The following STAT1 variants were observed in gnomAD, a reference collection of about 807,000 sequenced individuals.
The protein encoded by STAT1 is signal transducer and activator of transcription 1.
In STAT1, 24 loss-of-function variants were observed where a neutral mutation model predicts 111.7. The ratio of observed to expected loss-of-function variants is 0.21; its 90% CI spans 0.16 to 0.30. The LOEUF is 0.30. Among genes scored for constraint, STAT1 ranks in the 10% least tolerant of loss-of-function variants. The pLI is 1.00. For missense variants in STAT1, 351 were observed against 911.9 expected (o/e 0.38, Z 7.92); for synonymous variants, 332 against 326.5 (o/e 1.02, Z -0.18).
intron 12 of STAT1, among the ~76,000 whole-genome samples, chr2:190,988,709 G>C (rs1277710641): frequency 6.6e-6 from 1 of 152,108 alleles, no homozygotes; most frequent in Non-Finnish European, 1.5e-5. Context: ...TGGTTTGTTA[G>C]GAAGCAAAAG....
intron 24 of STAT1, among the ~76,000 whole-genome samples, chr2:190,972,397 A>G (rs1411982322): frequency 6.6e-6 from 1 of 152,214 alleles, no homozygotes; most frequent in African/African-American, 2.4e-5. Flanking sequence ...CAAATGCCCA[A>G]GTCATACTGC....
rs1418401103 is a variant in STAT1, at chr2:190,996,733, T to C, written c.785+1123A>G. On this transcript the variant is annotated intron_variant, in intron 9 of 24. Transcript: ENST00000361099. The surrounding 1 kb of genome is among the most constrained non-coding windows in gnomAD (Gnocchi z 4.5). The stretch of plus-strand genomic sequence containing the variant: ...TATTAATTGTGATTTTTTTAAAAAC[T>C]GGCAATATAGAAAATAACCTCGTGA... Among the ~76,000 whole-genome samples, 1 of 152,192 alleles carries C rather than the reference T, an allele frequency of 6.6e-6. No individual in the cohort carries two copies. The highest frequency in any genetic ancestry group is 1.5e-5 in the Non-Finnish European group (1 of 68,014).
chr2:190,979,139 TGTTCA>T lies in STAT1; in HGVS notation c.1728-143_1728-139del. ...AAAAAACGTAGACTATTTTAAAATC[TGTTCA>T]GTTGACACTTAAGGAAGCATTTCAC... On this transcript the variant is annotated intron_variant, in intron 20 of 24. Coordinates refer to ENST00000361099, the MANE Select transcript of STAT1 (RefSeq NM_007315.4). This position sits in a 1 kb window ranked among gnomAD's most constrained non-coding sequence, Gnocchi z 5.8. 1 of 1,166,092 alleles carries T rather than the reference TGTTCA, an allele frequency of 8.6e-7. No homozygotes were observed. Among genetic ancestry groups the T allele is most frequent in the Non-Finnish European group, 1.2e-6 (1 of 807,526 alleles). The allele number at this position is 1,166,092 out of a possible 1,614,324, so 72.2% of individuals were successfully genotyped here.
rs1187514486 is a variant in STAT1, at chr2:191,000,875, T to C, written c.462+199A>G. ...AGCTAAACTCAATGTTTGGCAGTTATAAGAGGCCATTCAAAAAGTCTATCT... is the reference window on the plus strand; with the variant it reads ...AGCTAAACTCAATGTTTGGCAGTTACAAGAGGCCATTCAAAAAGTCTATCT... On this transcript the variant is annotated intron_variant, in intron 6 of 24. Coordinates refer to ENST00000361099, the MANE Select transcript of STAT1 (RefSeq NM_007315.4). This position sits in a 1 kb window ranked among gnomAD's most constrained non-coding sequence, Gnocchi z 4.8. Among the ~76,000 whole-genome samples the C allele has an allele frequency of 1.3e-5, 2 of 152,202 alleles. No homozygotes were observed. Among genetic ancestry groups the C allele is most frequent in the Non-Finnish European group, 2.9e-5 (2 of 68,030 alleles).
rs1691813142 is a variant in STAT1 at position 190,975,208 on chromosome 2, G to C, written c.2136-276C>G. Reference sequence around the variant, plus strand: ...GCCGCTTCTGCCTGGGTAAGCCTAGGTGTGAGCATGTGCGGTGCACTACCC... The same window carrying C: ...GCCGCTTCTGCCTGGGTAAGCCTAGCTGTGAGCATGTGCGGTGCACTACCC... On this transcript the variant is annotated intron_variant, in intron 23 of 24. Transcript: ENST00000361099. The surrounding 1 kb of genome is among the most constrained non-coding windows in gnomAD (Gnocchi z 5.9). 1 of 471,410 alleles carries C rather than the reference G, an allele frequency of 2.1e-6. No individual in the cohort carries two copies. Among genetic ancestry groups the C allele is most frequent in the Non-Finnish European group, 4.2e-6 (1 of 239,354 alleles). The allele number at this position is 471,410 out of a possible 1,614,324, so 29.2% of individuals were successfully genotyped here. A position where few individuals can be genotyped will look rare whatever the true frequency, so the allele number is the denominator to read the frequency against.
In STAT1 at chr2:190,982,552, T is replaced by G. The variant is rs1201858329; in HGVS notation, c.1447-34A>C. The G allele has an allele frequency of 6.2e-7, 1 of 1,612,914 alleles. No homozygotes were observed. Among genetic ancestry groups the G allele is most frequent in the Non-Finnish European group, 8.5e-7 (1 of 1,179,004 alleles). Reference sequence around the variant, plus strand: ...AAAACACCCAAAATCTAAGGGTTACTACAGAGACACCAGTCACAAGTGTGG... The same window carrying G: ...AAAACACCCAAAATCTAAGGGTTACGACAGAGACACCAGTCACAAGTGTGG... On this transcript the variant is annotated intron_variant, in intron 17 of 24. Transcript: ENST00000361099. This position sits in a 1 kb window ranked among gnomAD's most constrained non-coding sequence, Gnocchi z 7.3.
At position 190,994,959 on chromosome 2, in the gene STAT1, A is replaced by ATATATAT. The variant is rs1559017192; in HGVS notation, c.944+101_944+102insATATATA. ...ATATATATATATATATATATATATA[A>ATATATAT]AAAACACCTATTAAACCCTTGTAAA... On this transcript the variant is annotated intron_variant, in intron 10 of 24. Coordinates refer to ENST00000361099, the MANE Select transcript of STAT1 (RefSeq NM_007315.4). 25 of 461,720 alleles carry ATATATAT rather than the reference A, an allele frequency of 5.4e-5. 1 individual carries two copies. Among genetic ancestry groups the ATATATAT allele is most frequent in the African/African-American group, 3.5e-4 (13 of 36,710 alleles). The allele number at this position is 461,720 out of a possible 1,614,324, so 28.6% of individuals were successfully genotyped here.
chr2:190,996,242 G>C lies in STAT1; in HGVS notation c.786-1023C>G, dbSNP rs1345157494. Among the ~76,000 whole-genome samples, 2 of 152,212 alleles carry C rather than the reference G, an allele frequency of 1.3e-5. No individual in the cohort carries two copies. The highest frequency in any genetic ancestry group is 2.9e-5 in the Non-Finnish European group (2 of 68,034). On this transcript the variant is annotated intron_variant, in intron 9 of 24. Transcript: ENST00000361099. The surrounding 1 kb of genome is among the most constrained non-coding windows in gnomAD (Gnocchi z 4.5). ...CAACTGCTAACAGCAACACAGGCTG[G>C]GGAAACGCTGTTTTATTCACTTGCA...
chr2:191,001,163 C>A lies in STAT1; in HGVS notation c.373G>T (p.Ala125Ser). ...ILENAQRFNQ[A>S]QSGNIQSTVM... ...GTGCTCTGAATATTCCCCGACTGAGCCTGTAATGGGAAGGGCATGATTATA... is the reference window on the plus strand; with the variant it reads ...GTGCTCTGAATATTCCCCGACTGAGACTGTAATGGGAAGGGCATGATTATA... The change falls in exon 6 of 25, where the codon GCT becomes TCT. Residue 125 changes from alanine to serine, a missense_variant and splice_region_variant. Around this residue, in one of 7 missense-constraint regions of STAT1, gnomAD observed 20 missense variants for 18.4 expected, o/e 1.09. Transcript: ENST00000361099. The A allele has an allele frequency of 6.2e-7, 1 of 1,612,830 alleles. No homozygotes were observed. The highest frequency in any genetic ancestry group is 8.5e-7 in the Non-Finnish European group (1 of 1,178,840).
chr2:191,009,352 A>G (rs576029880), intron 3 of STAT1, among the ~76,000 whole-genome samples: 1 of 152,344 alleles, frequency 6.6e-6, no homozygotes, highest in East Asian at 1.9e-4. Context: ...CATGGTGACT[A>G]TCTCTGAAGG....
At chr2:191,005,905 A>G (rs912311083) in intron 5 of STAT1, among the ~76,000 whole-genome samples, 1 of 152,220 alleles carries the variant, frequency 6.6e-6, no homozygotes, top group Non-Finnish European at 1.5e-5. Context: ...TCACGGACTC[A>G]GGTGTCCTCT....
At chr2:191,009,766 C>T (rs1694987509) in intron 3 of STAT1, 110 bp downstream of exon 3, 2 of 1,410,604 alleles carry the variant, frequency 1.4e-6, no homozygotes, top group South Asian at 2.3e-5. Flanking sequence ...CAAATAATTC[C>T]AGTGGCCATT....
intron 5 of STAT1, among the ~76,000 whole-genome samples, chr2:191,005,419 A>T (rs1694611250): frequency 6.6e-6 from 1 of 152,220 alleles, no homozygotes; most frequent in Admixed American, 6.5e-5. Flanking sequence ...ATTAGAATGG[A>T]GCTTTATGGG....
rs1691962253 is a variant in STAT1 at position 190,977,061 on chromosome 2, CAT to C, written c.1874-38_1874-37del. On this transcript the variant is annotated intron_variant, in intron 21 of 24. Coordinates refer to ENST00000361099, the MANE Select transcript of STAT1 (RefSeq NM_007315.4). The surrounding 1 kb of genome is among the most constrained non-coding windows in gnomAD (Gnocchi z 4.7). ...GAAAAGCTAAGTAAATCCCATAGAA[CAT>C]CCCAAAATGAAAGAGGACAGAGAAA... The C allele has an allele frequency of 1.2e-6, 2 of 1,604,646 alleles. No individual in the cohort carries two copies. The highest frequency in any genetic ancestry group is 4.5e-5 in the East Asian group (2 of 44,814).
chr2:190,979,991 G>T lies in STAT1; in HGVS notation c.1633-125C>A. ...GGATGGAACTGTCCCATTCAGCACA[G>T]CAATGGGATCCCTCCCCTGGCAGGG... On this transcript the variant is annotated intron_variant, in intron 19 of 24. Transcript: ENST00000361099. The surrounding 1 kb of genome is among the most constrained non-coding windows in gnomAD (Gnocchi z 5.8). The T allele has an allele frequency of 1.4e-6, 1 of 702,386 alleles. No individual in the cohort carries two copies. The highest frequency in any genetic ancestry group is 2.6e-6 in the Non-Finnish European group (1 of 392,106). 43.5% of individuals were successfully genotyped at this position (702,386 alleles called of 1,614,324 possible).
rs374680593 is a variant in STAT1 at position 190,998,286 on chromosome 2, T to C, written c.564A>G (p.Ala188=). Residue 188 remains alanine (A), a synonymous_variant, in exon 8 of 25, where the codon GCA becomes GCG. Coordinates refer to ENST00000361099, the MANE Select transcript of STAT1 (RefSeq NM_007315.4). The surrounding 1 kb of genome is among the most constrained non-coding windows in gnomAD (Gnocchi z 4.1). The stretch of plus-strand genomic sequence containing the variant: ...GCTGTTCTTGTTTCTGATCACTCTT[T>C]GCCACACCATTGGTCTCGTGTTCTA... ...QNREHETNGV[A]KSDQKQEQLL... 1 of 1,613,718 alleles carries C rather than the reference T, an allele frequency of 6.2e-7. No individual in the cohort carries two copies. Among genetic ancestry groups the C allele is most frequent in the Non-Finnish European group, 8.5e-7 (1 of 1,179,892 alleles).
rs952112169 is a variant in STAT1 at position 190,996,821 on chromosome 2, G to A, written c.785+1035C>T. Among the ~76,000 whole-genome samples the A allele has an allele frequency of 2.0e-5, 3 of 152,158 alleles. No individual in the cohort carries two copies. The highest frequency in any genetic ancestry group is 7.2e-5 in the African/African-American group (3 of 41,432). On this transcript the variant is annotated intron_variant, in intron 9 of 24. Transcript: ENST00000361099. This position sits in a 1 kb window ranked among gnomAD's most constrained non-coding sequence, Gnocchi z 4.5. The stretch of plus-strand genomic sequence containing the variant: ...CCACCTTCCCTCATGTTCACTCTGT[G>A]ATTCCAAGTTCAGCTCCTGTTGCCC...
chr2:190,991,352 A>T, intron 10 of STAT1, 32 bp from the exon 11 acceptor site: 2 of 1,605,684 alleles, frequency 1.2e-6, no homozygotes, highest in South Asian at 1.1e-5. Context: ...TAGATAAGTT[A>T]GCATTTCCAT....
In STAT1 at chr2:191,000,914, G is replaced by T. The variant is rs901385498; in HGVS notation, c.462+160C>A. On this transcript the variant is annotated intron_variant, in intron 6 of 24. Coordinates refer to ENST00000361099, the MANE Select transcript of STAT1 (RefSeq NM_007315.4). This position sits in a 1 kb window ranked among gnomAD's most constrained non-coding sequence, Gnocchi z 4.8. Reference sequence around the variant, plus strand: ...AAAAGTCTATCTGGTCATTGATTTTGCCAATTTGTTTACTTATAGCTTGAG... The same window carrying T: ...AAAAGTCTATCTGGTCATTGATTTTTCCAATTTGTTTACTTATAGCTTGAG... Among the ~76,000 whole-genome samples, 1 of 152,152 alleles carries T rather than the reference G, an allele frequency of 6.6e-6. No individual in the cohort carries two copies. Among genetic ancestry groups the T allele is most frequent in the Non-Finnish European group, 1.5e-5 (1 of 68,022 alleles).
Sources: gnomAD v4.1 joint callset for allele counts (sites outside exome capture counted in the v4.1 genomes callset) on GRCh38, gnomAD v4.1.1 for gene constraint, gnomAD v4.1.1 regional missense constraint, Gnocchi (gnomAD v3.1) non-coding constraint, MANE v1.5 for transcripts, NCBI Gene and HGNC (gene_info 2026-07-23, HGNC 2026-07-21) for gene names.